Variants in TSNARE1 observed in about 807,000 individuals in gnomAD.
TSNARE1 encodes the protein t-SNARE domain containing 1.
Under a neutral mutation model 62.0 loss-of-function variants are expected in TSNARE1, and 49 were observed. That is an observed-to-expected ratio of 0.79 (90% CI 0.63 to 1.00). TSNARE1 has a LOEUF of 1.00. Among genes scored for constraint, TSNARE1 ranks in the 50% least tolerant of loss-of-function variants. The probability of loss-of-function intolerance (pLI) is 0.00; values close to 1 mark genes in which losing one functional copy is unlikely to be tolerated. For missense variants in TSNARE1, 755 were observed against 700.1 expected, an observed-to-expected ratio of 1.08 and a Z score of -0.88; for synonymous variants, 328 against 294.4, an observed-to-expected ratio of 1.11 and a Z score of -1.17.
intron 1 of TSNARE1, among the ~76,000 whole-genome samples, chr8:142,360,202 A>T (rs1375591927): frequency 6.6e-6 from 1 of 152,146 alleles, no homozygotes; most frequent in African/African-American, 2.4e-5. Context: ...CAGGGGACCC[A>T]GCCAAGGCTA....
chr8:142,284,374 C>T (rs766715872), intron 11 of TSNARE1, 39 bp downstream of exon 11: 23 of 1,567,402 alleles, frequency 1.5e-5, no homozygotes, highest in Non-Finnish European at 1.8e-5. Flanking sequence ...GGCAGGCCCT[C>T]GGGGCAGCAG....
At chr8:142,332,271 T>C (rs1831164496) in intron 4 of TSNARE1, among the ~76,000 whole-genome samples, 1 of 152,086 alleles carries the variant, frequency 6.6e-6, no homozygotes, top group Non-Finnish European at 1.5e-5. Flanking sequence ...TTCCGCACAA[T>C]GCAGGTGAGC....
chr8:142,297,167 C>A (rs1489895538), intron 10 of TSNARE1, among the ~76,000 whole-genome samples: 4 of 152,204 alleles, frequency 2.6e-5, no homozygotes, highest in East Asian at 3.9e-4. Context: ...CCCAGCCTGG[C>A]CCTTTGTTTT....
At chr8:142,277,638 T>C in intron 11 of TSNARE1, 1 of 985,394 alleles carries the variant, frequency 1.0e-6, no homozygotes, top group South Asian at 4.7e-5. Context: ...CGCTTGGGAA[T>C]TCAACACGTC....
intron 10 of TSNARE1, among the ~76,000 whole-genome samples, chr8:142,296,480 G>C (rs1824772874): frequency 2.0e-5 from 3 of 150,738 alleles, no homozygotes; most frequent in Admixed American, 2.0e-4. Context: ...GTGGGGGAAG[G>C]GCAGTCACTG....
At chr8:142,271,677 C>T (rs35674714) in intron 12 of TSNARE1, 248,334 of 1,380,042 alleles carry the variant, frequency 0.18, 26,406 homozygotes, top group African/African-American at 0.47. Context: ...CTGGGGGTCT[C>T]GTCCTCCTCA....
chr8:142,352,218 G>A (rs1834182070), intron 2 of TSNARE1, among the ~76,000 whole-genome samples: 1 of 152,222 alleles, frequency 6.6e-6, no homozygotes, highest in African/African-American at 2.4e-5. Flanking sequence ...GCAAACCCAA[G>A]AGAAAAGCAG....
intron 1 of TSNARE1, among the ~76,000 whole-genome samples, chr8:142,401,991 C>A (rs1470946355): frequency 6.6e-6 from 1 of 152,092 alleles, no homozygotes; most frequent in Non-Finnish European, 1.5e-5. Context: ...GTCTCACAGG[C>A]ACTAAAGATA....
At chr8:142,299,769 C>T (rs565835763) in intron 10 of TSNARE1, among the ~76,000 whole-genome samples, 111 of 152,358 alleles carry the variant, frequency 7.3e-4, no homozygotes, top group African/African-American at 2.4e-3. Flanking sequence ...TGCATGCACT[C>T]ACACACACAT....
intron 11 of TSNARE1, chr8:142,280,004 C>G: frequency 8.4e-7 from 1 of 1,191,994 alleles, no homozygotes. Context: ...CCTCGCAGGT[C>G]CCGCCACTTG....
At chr8:142,230,343 G>A (rs1313332506) in intron 12 of TSNARE1, among the ~76,000 whole-genome samples, 2 of 152,198 alleles carry the variant, frequency 1.3e-5, no homozygotes, top group African/African-American at 4.8e-5. Context: ...CAAGGGACAG[G>A]GAATGGGAAG....
intron 9 of TSNARE1, among the ~76,000 whole-genome samples, chr8:142,304,643 T>C (rs1192004465): frequency 6.6e-6 from 1 of 152,194 alleles, no homozygotes; most frequent in Non-Finnish European, 1.5e-5. Context: ...CCTCCAGCTT[T>C]CACTTCCAGG....
chr8:142,242,046 A>T (rs1432535190), intron 12 of TSNARE1, among the ~76,000 whole-genome samples: 1 of 152,000 alleles, frequency 6.6e-6, no homozygotes, highest in East Asian at 1.9e-4. Flanking sequence ...GACATGTGAG[A>T]CCTAAAACTC....
At chr8:142,260,589 G>A (rs371814478) in intron 12 of TSNARE1, among the ~76,000 whole-genome samples, 10 of 152,132 alleles carry the variant, frequency 6.6e-5, no homozygotes, top group East Asian at 5.9e-4. Context: ...TCACTTCTCA[G>A]AACCTTGAGC....
At chr8:142,245,201 G>T (rs1255517212) in intron 12 of TSNARE1, among the ~76,000 whole-genome samples, 2 of 152,236 alleles carry the variant, frequency 1.3e-5, no homozygotes, top group African/African-American at 2.4e-5. Context: ...CCAGTGAGCG[G>T]ATTGAGAGGA....
intron 11 of TSNARE1, chr8:142,276,075 G>A (rs528032662): frequency 4.1e-6 from 4 of 985,378 alleles, no homozygotes; most frequent in Non-Finnish European, 4.8e-6. Context: ...CTTGCCCCCA[G>A]CGCAGGGCCC....
intron 10 of TSNARE1, among the ~76,000 whole-genome samples, chr8:142,299,777 C>T (rs1005794387): frequency 2.0e-5 from 3 of 152,276 alleles, no homozygotes; most frequent in African/African-American, 7.2e-5. Flanking sequence ...CTCACACACA[C>T]ATACATACAC....
At chr8:142,388,102 T>C (rs1837226584) in intron 1 of TSNARE1, among the ~76,000 whole-genome samples, 1 of 152,168 alleles carries the variant, frequency 6.6e-6, no homozygotes, top group Admixed American at 6.5e-5. Context: ...TCTTTCATTA[T>C]TAGCAACTTC....
chr8:142,382,848 A>G (rs1343122773), intron 1 of TSNARE1, among the ~76,000 whole-genome samples: 1 of 152,222 alleles, frequency 6.6e-6, no homozygotes, highest in Non-Finnish European at 1.5e-5. Flanking sequence ...CAGATCACAG[A>G]GTTGGAGATC....
Sources: gnomAD v4.1 joint callset for allele counts (sites outside exome capture counted in the v4.1 genomes callset) on GRCh38, gnomAD v4.1.1 for gene constraint, MANE v1.5 for transcripts, NCBI Gene and HGNC (gene_info 2026-07-23, HGNC 2026-07-21) for gene names.